SORCS3: variants seen among roughly 807,000 people sequenced by gnomAD.
The protein encoded by SORCS3 is sortilin related VPS10 domain containing receptor 3, also known as VPS10 domain-containing receptor SorCS3.
SORCS3 carries 57 observed loss-of-function variants against 146.3 expected under a neutral mutation model. The ratio of observed to expected loss-of-function variants is 0.39; its 90% CI spans 0.31 to 0.49. The LOEUF (loss-of-function observed/expected upper bound fraction) is 0.49, where lower values mean the gene tolerates loss of function less well. SORCS3 is among the 20% of genes least tolerant of loss of function. The pLI, the probability that SORCS3 is intolerant of heterozygous loss-of-function variation, is 0.92. For synonymous variants in SORCS3, 653 were observed against 618.5 expected, an observed-to-expected ratio of 1.06 and a Z score of -0.83; for missense variants, 1,341 against 1,575.5, an observed-to-expected ratio of 0.85 and a Z score of 2.52.
At chr10:104,931,185 T>A (rs1338836385) in intron 3 of SORCS3, among the ~76,000 whole-genome samples, 1 of 152,214 alleles carries the variant, frequency 6.6e-6, no homozygotes, top group Non-Finnish European at 1.5e-5. Flanking sequence ...GGGGAGTCCC[T>A]TATTCAAAGT....
At chr10:104,953,720 G>C (rs2019458011) in intron 3 of SORCS3, among the ~76,000 whole-genome samples, 1 of 152,106 alleles carries the variant, frequency 6.6e-6, no homozygotes, top group Non-Finnish European at 1.5e-5. Flanking sequence ...TCCCAGAGTT[G>C]GTTAACTATT....
chr10:105,222,304 C>A (rs533419361), intron 19 of SORCS3, among the ~76,000 whole-genome samples: 1 of 152,014 alleles, frequency 6.6e-6, no homozygotes, highest in East Asian at 1.9e-4. Flanking sequence ...GTGATCCACC[C>A]ACCTCAGCCT....
chr10:104,829,249 A>G (rs2017974737), intron 1 of SORCS3, among the ~76,000 whole-genome samples: 1 of 152,256 alleles, frequency 6.6e-6, no homozygotes, highest in Admixed American at 6.5e-5. Flanking sequence ...ATGTGCAGAT[A>G]GAAAATTATA....
intron 2 of SORCS3, among the ~76,000 whole-genome samples, chr10:104,888,650 T>G (rs931028597): frequency 1.3e-5 from 2 of 152,188 alleles, no homozygotes; most frequent in Non-Finnish European, 2.9e-5. Context: ...AGGTTACATT[T>G]TAAATACTTA....
At chr10:104,795,461 TA>T (rs1359117996) in intron 1 of SORCS3, among the ~76,000 whole-genome samples, 1 of 152,248 alleles carries the variant, frequency 6.6e-6, no homozygotes, top group African/African-American at 2.4e-5. Flanking sequence ...TATACAAAAA[TA>T]TTTTTTGCTT....
In SORCS3 at chr10:105,219,698, T is replaced by G. The variant is rs572100851; in HGVS notation, c.2734+2576T>G. On this transcript the variant is annotated intron_variant, in intron 19 of 26. Coordinates refer to ENST00000369701, the MANE Select transcript of SORCS3 (RefSeq NM_014978.3). ...ATTTACTAAGTACTTCCTATTAACT[T>G]TGTACCTGACATTTTTGCTGCATTT... Among the ~76,000 whole-genome samples, 4 of 152,282 alleles carry G rather than the reference T, an allele frequency of 2.6e-5. No homozygotes were observed. The South Asian group carries it at 8.3e-4, about 32-fold the overall frequency.
At chr10:104,842,940 G>T (rs746993022) in intron 2 of SORCS3, 81 bp downstream of exon 2, 29 of 1,102,952 alleles carry the variant, frequency 2.6e-5, no homozygotes, top group Non-Finnish European at 4.0e-5. Context: ...GGGAAGTGTG[G>T]ACTGGAAGGA....
chr10:104,968,512 C>T (rs1589570875), intron 3 of SORCS3, among the ~76,000 whole-genome samples: 1 of 152,182 alleles, frequency 6.6e-6, no homozygotes, highest in Non-Finnish European at 1.5e-5. Context: ...ATCTGCGAAA[C>T]CATATTTGAA....
intron 12 of SORCS3, among the ~76,000 whole-genome samples, chr10:105,166,793 G>A (rs934174815): frequency 1.3e-5 from 2 of 152,124 alleles, no homozygotes; most frequent in Non-Finnish European, 2.9e-5. Context: ...TAGTGGGTAG[G>A]AAATTGTCTT....
At chr10:104,793,809 G>T (rs1019318204) in intron 1 of SORCS3, among the ~76,000 whole-genome samples, 66 of 152,284 alleles carry the variant, frequency 4.3e-4, no homozygotes, top group Admixed American at 3.5e-3. Context: ...GGAGGCAAAT[G>T]GATTTATAGG....
rs190301429 is a variant in SORCS3 at position 104,946,665 on chromosome 10, G to A, written c.796-30670G>A. 2.5e-4 allele frequency among the ~76,000 whole-genome samples: 38 copies of A among 152,208 alleles called. No homozygotes were observed. In the East Asian group the frequency reaches 3.3e-3, roughly 13 times the overall value. On this transcript the variant is annotated intron_variant, in intron 3 of 26. Transcript: ENST00000369701. The stretch of plus-strand genomic sequence containing the variant: ...CAGAAGCTGCTTCCACTGGCAGAGC[G>A]TATTTCCATGTCTCAGAGTCTCATT...
At chr10:104,790,755 A>G (rs2017487391) in intron 1 of SORCS3, among the ~76,000 whole-genome samples, 1 of 152,216 alleles carries the variant, frequency 6.6e-6, no homozygotes, top group Non-Finnish European at 1.5e-5. Flanking sequence ...TCAGTGCTAA[A>G]GGGACATAAT....
intron 8 of SORCS3, among the ~76,000 whole-genome samples, chr10:105,144,123 G>A (rs1283399802): frequency 5.9e-5 from 9 of 152,244 alleles, no homozygotes; most frequent in African/African-American, 2.2e-4. Flanking sequence ...AAACTTAGGT[G>A]TGCCATAGCA....
chr10:105,069,121 TC>T (rs2055540692), intron 5 of SORCS3, among the ~76,000 whole-genome samples: 1 of 152,310 alleles, frequency 6.6e-6, no homozygotes, highest in East Asian at 1.9e-4. Flanking sequence ...GGAACATCTT[TC>T]CAAACTCATA....
intron 11 of SORCS3, among the ~76,000 whole-genome samples, chr10:105,160,734 T>A (rs1451367072): frequency 6.6e-6 from 1 of 152,236 alleles, no homozygotes; most frequent in Admixed American, 6.5e-5. Flanking sequence ...TTAAAACTCT[T>A]CTTACATCAG....
At chr10:104,829,500 A>G (rs1234081009) in intron 1 of SORCS3, among the ~76,000 whole-genome samples, 1 of 152,142 alleles carries the variant, frequency 6.6e-6, no homozygotes, top group Non-Finnish European at 1.5e-5. Flanking sequence ...GTATTCTAGT[A>G]TGGCTAAAAT....
chr10:105,058,015 C>A (rs1455032820), intron 5 of SORCS3, among the ~76,000 whole-genome samples: 4 of 152,182 alleles, frequency 2.6e-5, no homozygotes, highest in Non-Finnish European at 2.9e-5. Context: ...CTCTCATCTC[C>A]CCGCTGGACA....
At position 104,962,068 on chromosome 10, in the gene SORCS3, G is replaced by A. The variant is rs539187674; in HGVS notation, c.796-15267G>A. Among the ~76,000 whole-genome samples the A allele has an allele frequency of 6.1e-4, 92 of 151,822 alleles. 1 individual carries two copies. Among genetic ancestry groups the A allele is most frequent in the Middle Eastern group, 6.8e-3 (2 of 292 alleles). Reference sequence around the variant, plus strand: ...TTCAAATATATTTAAACATAAAATCGCAGTTCAATGTGATTATGAATTTGC... The same window carrying A: ...TTCAAATATATTTAAACATAAAATCACAGTTCAATGTGATTATGAATTTGC... On this transcript the variant is annotated intron_variant, in intron 3 of 26. Transcript: ENST00000369701.
intron 2 of SORCS3, among the ~76,000 whole-genome samples, chr10:104,847,343 C>T (rs1435570485): frequency 6.6e-6 from 1 of 152,206 alleles, no homozygotes; most frequent in Non-Finnish European, 1.5e-5. Context: ...TTCTTGGACT[C>T]ATTTCTGTAT....
Sources: allele counts gnomAD v4.1 joint callset (sites outside exome capture counted in the v4.1 genomes callset), GRCh38; gene constraint gnomAD v4.1.1; transcripts MANE v1.5; gene names NCBI Gene and HGNC (gene_info 2026-07-23, HGNC 2026-07-21).